Variants in NIPAL2 observed in about 807,000 individuals in gnomAD.
NIPAL2 encodes NIPA-like protein 2.
In NIPAL2, 43 loss-of-function variants were observed where a neutral mutation model predicts 48.9. The ratio of observed to expected loss-of-function variants is 0.88; its 90% CI spans 0.69 to 1.13. The LOEUF is 1.13. Ranked by LOEUF, NIPAL2 falls within the 50% of genes most tolerant of loss-of-function variation. The pLI, the probability that NIPAL2 is intolerant of heterozygous loss-of-function variation, is 0.00. For missense variants in NIPAL2, 446 were observed against 461.4 expected, an observed-to-expected ratio of 0.97 and a Z score of 0.31; for synonymous variants, 167 against 174.6, an observed-to-expected ratio of 0.96 and a Z score of 0.34.
intron 1 of NIPAL2, among the ~76,000 whole-genome samples, chr8:98,291,882 A>C (rs542657753): frequency 6.6e-6 from 1 of 152,338 alleles, no homozygotes; most frequent in Admixed American, 6.5e-5. Context: ...CTCCAGAAGC[A>C]CTCACACCTT....
At chr8:98,235,436 T>G (rs1812654999) in intron 4 of NIPAL2, among the ~76,000 whole-genome samples, 1 of 152,236 alleles carries the variant, frequency 6.6e-6, no homozygotes, top group East Asian at 1.9e-4. Context: ...ATAAAATATT[T>G]AAGAACAATG....
chr8:98,234,905 C>T (rs1812632409), intron 4 of NIPAL2, among the ~76,000 whole-genome samples: 1 of 151,956 alleles, frequency 6.6e-6, no homozygotes, highest in African/African-American at 2.4e-5. Flanking sequence ...TTCTACAAAC[C>T]ACAATATATA....
rs758832079 is a variant in NIPAL2 at position 98,252,486 on chromosome 8, G to A, written c.353C>T (p.Pro118Leu). The change falls in exon 3 of 11, where the codon CCG (proline) becomes CTG (leucine). Residue 118 changes from proline to leucine, a missense_variant. By Grantham distance (98) the Pro-to-Leu change is moderately conservative. Transcript: ENST00000430223. ...ACCTGTAACAGACACACAGCCTAAC[G>A]GAGCGATCAGAGTAATGGGAGCAAA... ...YGFAPITLIA[P>L]LGCVSVTGSA... 5 of 1,613,006 alleles carry A rather than the reference G, an allele frequency of 3.1e-6. No individual in the cohort carries two copies. The highest frequency in any genetic ancestry group is 2.7e-5 in the African/African-American group (2 of 74,972).
intron 1 of NIPAL2, among the ~76,000 whole-genome samples, chr8:98,279,095 A>C (rs1053270080): frequency 1.3e-5 from 2 of 152,082 alleles, no homozygotes; most frequent in African/African-American, 4.8e-5. Context: ...TTGTCTAATT[A>C]TTCAAGGTTG....
At chr8:98,214,880 G>T (rs1262224572) in intron 5 of NIPAL2, among the ~76,000 whole-genome samples, 3 of 152,156 alleles carry the variant, frequency 2.0e-5, no homozygotes, top group African/African-American at 7.2e-5. Context: ...TGCTACAAAA[G>T]CTATTAAACT....
intron 1 of NIPAL2, among the ~76,000 whole-genome samples, chr8:98,262,193 A>G (rs1476738214): frequency 1.3e-5 from 2 of 151,606 alleles, no homozygotes; most frequent in Admixed American, 6.6e-5. Flanking sequence ...TGTAAAGACC[A>G]TCAAGACTAG....
chr8:98,258,651 C>A (rs1363461083), intron 1 of NIPAL2, among the ~76,000 whole-genome samples: 1 of 152,186 alleles, frequency 6.6e-6, no homozygotes, highest in Non-Finnish European at 1.5e-5. Context: ...TTGGCCAATA[C>A]CAGAAGCCAT....
chr8:98,241,897 G>T (rs935409688), intron 3 of NIPAL2, among the ~76,000 whole-genome samples: 11 of 152,016 alleles, frequency 7.2e-5, no homozygotes, highest in Non-Finnish European at 1.5e-5. Flanking sequence ...AGATAAAAAA[G>T]CTGAGGCTTG....
chr8:98,195,947 A>G lies in NIPAL2; in HGVS notation c.939T>C (p.Leu313=). 1.9e-6 allele frequency: 3 copies of G among 1,574,434 alleles called. No homozygotes were observed. The change falls in exon 9 of 11, where the codon CTT becomes CTC. Residue 313 remains leucine, a synonymous_variant. Transcript: ENST00000430223. The part of the protein sequence containing the change: ...GAPFLTVFIY[L]FGCFLSFLGV... ...CCTCTGAGACATTTACTCACCCAAA[A>G]AGATATATAAATACAGTGAGAAAAG...
At position 98,272,229 on chromosome 8, in the gene NIPAL2, C is replaced by G. The variant is rs2130880614; in HGVS notation, c.136-18142G>C. Among the ~76,000 whole-genome samples the G allele has an allele frequency of 1.3e-5, 2 of 152,302 alleles. 1 individual carries two copies. Among genetic ancestry groups the G allele is most frequent in the South Asian group, 4.1e-4 (2 of 4,824 alleles). On this transcript the variant is annotated intron_variant, in intron 1 of 10. Coordinates refer to ENST00000430223, the MANE Select transcript of NIPAL2 (RefSeq NM_001321635.2). ...TTTGACTTCAGAGCTTATCTTCCTTCCAGGACCTCATGATTGATGTTAACT... is the reference window on the plus strand; with the variant it reads ...TTTGACTTCAGAGCTTATCTTCCTTGCAGGACCTCATGATTGATGTTAACT...
chr8:98,283,848 CT>C (rs1454733090), intron 1 of NIPAL2, among the ~76,000 whole-genome samples: 1 of 152,208 alleles, frequency 6.6e-6, no homozygotes, highest in Non-Finnish European at 1.5e-5. Context: ...GGGTGAGTTT[CT>C]GCCTTGATAT....
At chr8:98,212,558 T>C (rs1811370844) in intron 5 of NIPAL2, 57 bp from the exon 6 acceptor site, 6 of 855,600 alleles carry the variant, frequency 7.0e-6, no homozygotes, top group Non-Finnish European at 1.1e-5. Flanking sequence ...CTTCAAAATG[T>C]CACACTTCTC....
rs554357968 is a variant in NIPAL2, at chr8:98,193,212, A to G, written c.1040-122T>C. On this transcript the variant is annotated intron_variant, in intron 10 of 10. Transcript: ENST00000430223. ...CTTTTATACTATGTGGGCACTCTCTAAAGAGAAGAGATGAATATCAAGGAA... is the reference window on the plus strand; with the variant it reads ...CTTTTATACTATGTGGGCACTCTCTGAAGAGAAGAGATGAATATCAAGGAA... The G allele has an allele frequency of 2.3e-5, 24 of 1,046,830 alleles. No homozygotes were observed. The South Asian group carries it at 2.8e-4, about 12-fold the overall frequency. 64.8% of individuals were successfully genotyped at this position (1,046,830 alleles called of 1,614,324 possible).
At chr8:98,252,772 T>A in intron 2 of NIPAL2, 138 bp from the exon 3 acceptor site, 2 of 745,910 alleles carry the variant, frequency 2.7e-6, no homozygotes, top group Non-Finnish European at 4.1e-6. Context: ...AACGAATACA[T>A]TTTTGGGGAA....
At chr8:98,195,193 C>T (rs960068739) in intron 9 of NIPAL2, among the ~76,000 whole-genome samples, 4 of 152,156 alleles carry the variant, frequency 2.6e-5, no homozygotes, top group African/African-American at 9.7e-5. Flanking sequence ...TTTTCCTTGG[C>T]CATAAGAGTA....
chr8:98,234,671 C>A (rs1812615596), intron 4 of NIPAL2, among the ~76,000 whole-genome samples: 1 of 151,626 alleles, frequency 6.6e-6, no homozygotes, highest in African/African-American at 2.4e-5. Context: ...CCTCAGCCTC[C>A]CAAGTAGCTG....
intron 3 of NIPAL2, among the ~76,000 whole-genome samples, chr8:98,237,522 C>T (rs1164949972): frequency 6.6e-6 from 1 of 151,990 alleles, no homozygotes; most frequent in Non-Finnish European, 1.5e-5. Context: ...CTCTAAAATG[C>T]AAATCTAATG....
chr8:98,263,601 G>C (rs1426936275), intron 1 of NIPAL2, among the ~76,000 whole-genome samples: 6,148 of 146,706 alleles, frequency 0.042, 280 homozygotes, highest in African/African-American at 0.12. Flanking sequence ...TCTCTGAATA[G>C]ACCAATAACA....
chr8:98,229,991 C>T (rs1812360255), intron 4 of NIPAL2, among the ~76,000 whole-genome samples: 1 of 152,128 alleles, frequency 6.6e-6, no homozygotes, highest in South Asian at 2.1e-4. Context: ...TTGTTACCAT[C>T]TACATTTGAC....
Sources: gnomAD v4.1 joint callset for allele counts (sites outside exome capture counted in the v4.1 genomes callset) on GRCh38, gnomAD v4.1.1 for gene constraint, MANE v1.5 for transcripts, NCBI Gene and HGNC (gene_info 2026-07-23, HGNC 2026-07-21) for gene names.